Variants in MCU observed in about 807,000 individuals in gnomAD.
MCU encodes the protein calcium uniporter protein, mitochondrial.
A neutral mutation model predicts 45.2 loss-of-function variants in MCU; 12 were observed. The ratio of observed to expected loss-of-function variants is 0.27; its 90% CI spans 0.17 to 0.43. The LOEUF is 0.43. Ranked by LOEUF, MCU falls within the 20% of genes least tolerant of loss-of-function variation. The probability of loss-of-function intolerance (pLI) is 1.00; values close to 1 mark genes in which losing one functional copy is unlikely to be tolerated. For missense variants in MCU, 324 were observed against 436.7 expected, an observed-to-expected ratio of 0.74 and a Z score of 2.30; for synonymous variants, 160 against 165.1, an observed-to-expected ratio of 0.97 and a Z score of 0.24.
At chr10:72,758,273 C>G (rs189652495) in intron 1 of MCU, among the ~76,000 whole-genome samples, 1 of 152,192 alleles carries the variant, frequency 6.6e-6, no homozygotes, top group Admixed American at 6.5e-5. Flanking sequence ...CACCTGAGCT[C>G]GAGTGATCTC....
At chr10:72,850,419 T>G (rs1243055188) in intron 2 of MCU, among the ~76,000 whole-genome samples, 1 of 152,244 alleles carries the variant, frequency 6.6e-6, no homozygotes, top group East Asian at 1.9e-4. Flanking sequence ...TGCTTCCTTG[T>G]GTACCAAGTC....
chr10:72,741,760 G>A (rs1183966229), intron 1 of MCU, among the ~76,000 whole-genome samples: 1 of 152,140 alleles, frequency 6.6e-6, no homozygotes, highest in Non-Finnish European at 1.5e-5. Flanking sequence ...TGGGCCTGGT[G>A]GCTCACGCCG....
chr10:72,831,390 C>T (rs924289176), intron 1 of MCU, among the ~76,000 whole-genome samples: 1 of 152,048 alleles, frequency 6.6e-6, no homozygotes, highest in Non-Finnish European at 1.5e-5. Flanking sequence ...AAAAAAGAAA[C>T]ATAGCTGTAT....
chr10:72,874,845 T>G (rs954153219), intron 6 of MCU, among the ~76,000 whole-genome samples: 4 of 152,206 alleles, frequency 2.6e-5, no homozygotes, highest in African/African-American at 9.6e-5. Flanking sequence ...GGGTACAAAA[T>G]AGTGGTATTT....
intron 1 of MCU, among the ~76,000 whole-genome samples, chr10:72,736,191 T>C (rs1589437692): frequency 6.6e-6 from 1 of 152,326 alleles, no homozygotes; most frequent in South Asian, 2.1e-4. Context: ...TATATGGATT[T>C]TTTTTTGCCA....
intron 1 of MCU, among the ~76,000 whole-genome samples, chr10:72,748,196 C>T (rs561281089): frequency 9.2e-5 from 14 of 152,032 alleles, no homozygotes; most frequent in Admixed American, 6.6e-4. Flanking sequence ...TACAGGTGCC[C>T]GCCACCACGC....
chr10:72,867,698 C>T (rs2132880157), intron 4 of MCU, among the ~76,000 whole-genome samples: 1 of 151,708 alleles, frequency 6.6e-6, no homozygotes, highest in East Asian at 1.9e-4. Context: ...CTAAAATATA[C>T]AAAAAAATTA....
intron 1 of MCU, among the ~76,000 whole-genome samples, chr10:72,755,969 G>C (rs927067003): frequency 5.3e-5 from 8 of 151,818 alleles, no homozygotes; most frequent in African/African-American, 1.9e-4. Flanking sequence ...TCCGCCTCCT[G>C]AGTAGCTGGG....
intron 1 of MCU, among the ~76,000 whole-genome samples, chr10:72,828,667 A>G (rs889784731): frequency 6.6e-6 from 1 of 152,214 alleles, no homozygotes; most frequent in African/African-American, 2.4e-5. Context: ...TGAATAATTT[A>G]TGATCATAGT....
At chr10:72,780,477 A>G (rs1184425940) in intron 1 of MCU, among the ~76,000 whole-genome samples, 1 of 138,150 alleles carries the variant, frequency 7.2e-6, no homozygotes, top group Non-Finnish European at 1.5e-5. Flanking sequence ...TAAGTCTGCC[A>G]GTTATTTTAA....
At chr10:72,754,964 CTG>C (rs1027683609) in intron 1 of MCU, among the ~76,000 whole-genome samples, 25 of 152,146 alleles carry the variant, frequency 1.6e-4, no homozygotes, top group African/African-American at 5.6e-4. Flanking sequence ...TCATAACAAA[CTG>C]TGTTTTTATG....
chr10:72,800,464 C>G (rs1031798478), intron 1 of MCU, among the ~76,000 whole-genome samples: 1 of 152,062 alleles, frequency 6.6e-6, no homozygotes, highest in African/African-American at 2.4e-5. Flanking sequence ...CACTTTTGGT[C>G]CCAAGGATTT....
At chr10:72,815,650 A>G (rs567531268) in intron 1 of MCU, among the ~76,000 whole-genome samples, 9 of 152,228 alleles carry the variant, frequency 5.9e-5, no homozygotes, top group Non-Finnish European at 1.2e-4. Flanking sequence ...AAGCATAAAT[A>G]TTAATACACG....
intron 2 of MCU, among the ~76,000 whole-genome samples, chr10:72,849,195 C>T (rs1324003699): frequency 3.3e-5 from 5 of 150,276 alleles, no homozygotes; most frequent in South Asian, 4.2e-4. Context: ...GCAGGAGAAT[C>T]GCTTGAGCCT....
chr10:72,750,670 T>C (rs1385841169), intron 1 of MCU, among the ~76,000 whole-genome samples: 1 of 152,222 alleles, frequency 6.6e-6, no homozygotes, highest in African/African-American at 2.4e-5. Flanking sequence ...TTGACCTTTT[T>C]TTGATGTACG....
chr10:72,873,559 C>T (rs959088901), intron 6 of MCU, among the ~76,000 whole-genome samples: 1 of 152,122 alleles, frequency 6.6e-6, no homozygotes, highest in East Asian at 1.9e-4. Flanking sequence ...TGTAGGTTGT[C>T]TCCTCACTCT....
intron 2 of MCU, among the ~76,000 whole-genome samples, chr10:72,836,313 G>A (rs2132837497): frequency 6.6e-6 from 1 of 152,080 alleles, no homozygotes; most frequent in South Asian, 2.1e-4. Flanking sequence ...CAGCTGGAAG[G>A]TCAAGTCCCA....
rs1327567090 is a variant in MCU at position 72,719,537 on chromosome 10, C to A, written c.150+27236C>A. 2.0e-5 allele frequency among the ~76,000 whole-genome samples: 3 copies of A among 152,148 alleles called. No individual in the cohort carries two copies. The East Asian group carries it at 5.8e-4, about 29-fold the overall frequency. ...ACGAGTGCTGGTATGTGTTCCTTCC[C>A]ACTGATTGTTACATCAGCAAGTGAG... is the stretch of plus-strand genomic sequence containing the variant. On this transcript the variant is annotated intron_variant, in intron 1 of 7. Coordinates refer to ENST00000373053, the MANE Select transcript of MCU (RefSeq NM_138357.3).
At chr10:72,701,630 C>T (rs1842759570) in intron 1 of MCU, among the ~76,000 whole-genome samples, 1 of 151,994 alleles carries the variant, frequency 6.6e-6, no homozygotes, top group Admixed American at 6.6e-5. Flanking sequence ...AGGTTCAAGT[C>T]ATTCTCCTGC....
Sources: gnomAD v4.1 joint callset for allele counts (sites outside exome capture counted in the v4.1 genomes callset) on GRCh38, gnomAD v4.1.1 for gene constraint, MANE v1.5 for transcripts, NCBI Gene and HGNC (gene_info 2026-07-23, HGNC 2026-07-21) for gene names.